SYT14: variants seen among roughly 807,000 people sequenced by gnomAD.
SYT14 encodes the protein synaptotagmin-14.
In SYT14, 32 loss-of-function variants were observed where a neutral mutation model predicts 74.2. The observed-to-expected ratio is 0.43, with a 90% CI of 0.33 to 0.58. The LOEUF (loss-of-function observed/expected upper bound fraction) is 0.58. Among genes scored for constraint, SYT14 ranks in the 20% least tolerant of loss-of-function variants. The probability of loss-of-function intolerance (pLI) is 0.05; values close to 1 mark genes in which losing one functional copy is unlikely to be tolerated. For synonymous variants in SYT14, 298 were observed against 337.7 expected (o/e 0.88, Z 1.29); for missense variants, 791 against 981.8 (o/e 0.81, Z 2.60).
At chr1:209,988,200 T>C (rs2079604089) in intron 2 of SYT14, among the ~76,000 whole-genome samples, 1 of 152,238 alleles carries the variant, frequency 6.6e-6, no homozygotes, top group Non-Finnish European at 1.5e-5. Flanking sequence ...CATTAACATT[T>C]TCTTTTGTAA....
intron 7 of SYT14, among the ~76,000 whole-genome samples, chr1:210,114,225 C>T (rs911825607): frequency 9.3e-5 from 14 of 151,316 alleles, no homozygotes; most frequent in South Asian, 4.1e-4. Context: ...GGAGGAATCC[C>T]GGGCTGCAGG....
intron 2 of SYT14, among the ~76,000 whole-genome samples, chr1:209,966,765 A>G (rs908180964): frequency 2.0e-5 from 3 of 152,158 alleles, no homozygotes; most frequent in African/African-American, 4.8e-5. Context: ...GACCGTGTCT[A>G]TGAATAATGA....
At chr1:210,026,605 T>TAC (rs368072216) in intron 5 of SYT14, among the ~76,000 whole-genome samples, 24,162 of 138,188 alleles carry the variant, frequency 0.17, 2,003 homozygotes, top group African/African-American at 0.19. Context: ...GTATATAGCT[T>TAC]ACACACACAC....
intron 6 of SYT14, among the ~76,000 whole-genome samples, chr1:210,096,382 T>TGA (rs374485235): frequency 6.6e-6 from 1 of 152,038 alleles, no homozygotes; most frequent in Non-Finnish European, 1.5e-5. Context: ...TGTGTGTGTG[T>TGA]GAGAGAGAGA....
chr1:209,946,338 A>G (rs937350349), intron 1 of SYT14, among the ~76,000 whole-genome samples: 19 of 152,366 alleles, frequency 1.2e-4, no homozygotes, highest in Admixed American at 5.2e-4. Flanking sequence ...TTGTGCCAGT[A>G]GGTGAAGTTG....
intron 2 of SYT14, among the ~76,000 whole-genome samples, chr1:209,992,333 T>C (rs892681305): frequency 6.6e-6 from 1 of 152,104 alleles, no homozygotes; most frequent in Non-Finnish European, 1.5e-5. Context: ...TATATAACCA[T>C]GGAATACTAC....
chr1:210,047,400 A>G (rs1444267967), intron 5 of SYT14, among the ~76,000 whole-genome samples: 4 of 151,728 alleles, frequency 2.6e-5, no homozygotes, highest in Admixed American at 2.0e-4. Flanking sequence ...AATTTACTTG[A>G]TTTTATTTTA....
At chr1:210,132,032 T>C (rs908049043) in intron 7 of SYT14, among the ~76,000 whole-genome samples, 2 of 152,056 alleles carry the variant, frequency 1.3e-5, no homozygotes, top group Non-Finnish European at 2.9e-5. Flanking sequence ...CTCCTTACTC[T>C]ACTTGGAACC....
intron 5 of SYT14, among the ~76,000 whole-genome samples, chr1:210,023,499 A>G (rs11119395): frequency 0.17 from 25,345 of 151,930 alleles, 6,727 homozygotes; most frequent in African/African-American, 0.56. Context: ...GCCTGCCACC[A>G]TGCCCAGCTA....
chr1:210,006,321 T>C (rs12239153), intron 2 of SYT14, among the ~76,000 whole-genome samples: 24,942 of 151,892 alleles, frequency 0.16, 6,508 homozygotes, highest in African/African-American at 0.55. Flanking sequence ...TGTAAACTAA[T>C]TGAAATGTTA....
intron 5 of SYT14, among the ~76,000 whole-genome samples, chr1:210,081,900 G>A (rs893495171): frequency 1.3e-5 from 2 of 152,158 alleles, no homozygotes; most frequent in Admixed American, 1.3e-4. Flanking sequence ...AGACAGTCTT[G>A]ATTAAAGATG....
chr1:210,078,246 C>T (rs1412609188), intron 5 of SYT14, among the ~76,000 whole-genome samples: 1 of 128,310 alleles, frequency 7.8e-6, no homozygotes. Flanking sequence ...GGAGGCAGAG[C>T]TTGCAGTGAG....
At chr1:210,130,600 G>T (rs1302786551) in intron 7 of SYT14, among the ~76,000 whole-genome samples, 2 of 152,188 alleles carry the variant, frequency 1.3e-5, no homozygotes, top group Admixed American at 6.5e-5. Flanking sequence ...TTTTTACGGT[G>T]TATAGTCCCA....
intron 2 of SYT14, among the ~76,000 whole-genome samples, chr1:209,959,643 CA>C (rs767126233): frequency 2.3e-4 from 35 of 152,166 alleles, no homozygotes; most frequent in Non-Finnish European, 4.0e-4. Flanking sequence ...GTTTCACTCG[CA>C]AACAGTGAAA....
At position 210,152,595 on chromosome 1, in the gene SYT14, A is replaced by G. The variant is rs941312707; in HGVS notation, c.2035-3126A>G. Among the ~76,000 whole-genome samples the G allele has an allele frequency of 5.3e-5, 8 of 152,132 alleles. No individual in the cohort carries two copies. The East Asian group carries it at 1.5e-3, about 29-fold the overall frequency. On this transcript the variant is annotated intron_variant, in intron 7 of 9. Coordinates refer to ENST00000637265, the Ensembl canonical transcript of SYT14. The stretch of plus-strand genomic sequence containing the variant: ...CCCAACACACATTAGAAAAGGGTAA[A>G]AAATGCAAGTGTGCAACCCATTTAT...
At chr1:209,973,627 T>C (rs1435353133) in intron 2 of SYT14, among the ~76,000 whole-genome samples, 1 of 152,232 alleles carries the variant, frequency 6.6e-6, no homozygotes, top group Non-Finnish European at 1.5e-5. Flanking sequence ...GACGTTGGGT[T>C]GGTTCCAAGT....
chr1:210,076,682 G>A (rs1175374642), intron 5 of SYT14, among the ~76,000 whole-genome samples: 1 of 152,148 alleles, frequency 6.6e-6, no homozygotes, highest in Non-Finnish European at 1.5e-5. Flanking sequence ...TTAGAATCAT[G>A]GCAGAAGAAA....
chr1:210,034,971 T>C (rs1322046800), intron 5 of SYT14, among the ~76,000 whole-genome samples: 1 of 151,876 alleles, frequency 6.6e-6, no homozygotes, highest in East Asian at 1.9e-4. Context: ...AATGATTTCT[T>C]TTCCTTTAGG....
chr1:209,997,598 C>T lies in SYT14; in HGVS notation c.-485-16035C>T, dbSNP rs181852259. On this transcript the variant is annotated intron_variant, in intron 2 of 9. Transcript: ENST00000637265. Reference sequence around the variant, plus strand: ...ATTAAACTACCAATGTAATTCTTCACAGAATTAAAAAAAGGCTATTCTAAA... The same window carrying T: ...ATTAAACTACCAATGTAATTCTTCATAGAATTAAAAAAAGGCTATTCTAAA... Among the ~76,000 whole-genome samples, 17 of 152,046 alleles carry T rather than the reference C, an allele frequency of 1.1e-4. No individual in the cohort carries two copies. In the East Asian group the frequency reaches 3.3e-3, roughly 29 times the overall value.
Sources: allele counts gnomAD v4.1 joint callset (sites outside exome capture counted in the v4.1 genomes callset), GRCh38; gene constraint gnomAD v4.1.1; transcripts MANE v1.5; gene names NCBI Gene and HGNC (gene_info 2026-07-23, HGNC 2026-07-21).